Variants in ASPH observed in about 807,000 individuals in gnomAD.
ASPH encodes the protein aspartate beta-hydroxylase.
A neutral mutation model predicts 118.4 loss-of-function variants in ASPH; 100 were observed. The ratio of observed to expected loss-of-function variants is 0.84; its 90% CI spans 0.72 to 1.00. The LOEUF (loss-of-function observed/expected upper bound fraction) is 1.00. Ranked by LOEUF, ASPH falls within the 50% of genes least tolerant of loss-of-function variation. The pLI is 0.00. For synonymous variants in ASPH, 315 were observed against 325.6 expected (o/e 0.97, Z 0.35); for missense variants, 920 against 919.5 (o/e 1.00, Z -0.01).
chr8:61,579,284 G>T, intron 15 of ASPH: 1 of 1,614,178 alleles, frequency 6.2e-7, no homozygotes, highest in South Asian at 1.1e-5. Context: ...AGTTGTCCGA[G>T]CTGGAGGCTG....
intron 15 of ASPH, among the ~76,000 whole-genome samples, chr8:61,577,433 C>G (rs1312752242): frequency 1.0e-5 from 1 of 97,494 alleles, no homozygotes; most frequent in African/African-American, 4.3e-5. Flanking sequence ...AGACAAGACA[C>G]CTGATAAATG....
intron 13 of ASPH, among the ~76,000 whole-genome samples, chr8:61,621,744 T>C (rs1019405611): frequency 1.3e-5 from 2 of 152,244 alleles, no homozygotes; most frequent in African/African-American, 2.4e-5. Flanking sequence ...CTATATTCCA[T>C]AAAATACTAC....
chr8:61,647,491 T>C (rs1268993015), intron 5 of ASPH, among the ~76,000 whole-genome samples: 1 of 151,902 alleles, frequency 6.6e-6, no homozygotes, highest in East Asian at 1.9e-4. Context: ...GCCAACATGG[T>C]AAAACCCCAT....
Position 61,534,137 on chromosome 8 carries a change from G to C in ASPH, c.1765-8025C>G, listed in dbSNP as rs541603581. Among the ~76,000 whole-genome samples the C allele has an allele frequency of 5.9e-5, 9 of 152,166 alleles. No homozygotes were observed. The East Asian group carries it at 1.7e-3, about 29-fold the overall frequency. ...TAATTTTGTATTTTTAATAGAGATG[G>C]GGTTTCTCCATGTTGGTCAGGCTGG... is the stretch of plus-strand genomic sequence containing the variant. On this transcript the variant is annotated intron_variant, in intron 21 of 24. Coordinates refer to ENST00000379454, the MANE Select transcript of ASPH (RefSeq NM_004318.4).
At chr8:61,655,873 AAAG>A (rs1274995257) in intron 3 of ASPH, among the ~76,000 whole-genome samples, 2 of 152,240 alleles carry the variant, frequency 1.3e-5, no homozygotes, top group Non-Finnish European at 2.9e-5. Flanking sequence ...TGTAAACTTC[AAAG>A]AAGCTGAGAT....
chr8:61,629,703 C>G (rs765989041), intron 13 of ASPH, among the ~76,000 whole-genome samples: 2 of 152,210 alleles, frequency 1.3e-5, no homozygotes, highest in Non-Finnish European at 2.9e-5. Context: ...ATTCCTGAGG[C>G]CTATGTGATG....
intron 17 of ASPH, among the ~76,000 whole-genome samples, chr8:61,566,423 C>CT (rs2131668668): frequency 6.6e-6 from 1 of 152,332 alleles, no homozygotes; most frequent in African/African-American, 2.4e-5. Flanking sequence ...TTTCTTGAGA[C>CT]TGAATGTACT....
At chr8:61,606,103 G>GA (rs1389401269) in intron 14 of ASPH, among the ~76,000 whole-genome samples, 1 of 152,128 alleles carries the variant, frequency 6.6e-6, no homozygotes, top group African/African-American at 2.4e-5. Context: ...GAAGTGCCAT[G>GA]AAAAAATATA....
At chr8:61,523,277 C>T (rs955045834) in intron 22 of ASPH, among the ~76,000 whole-genome samples, 9 of 151,430 alleles carry the variant, frequency 5.9e-5, no homozygotes, top group South Asian at 2.1e-4. Flanking sequence ...GCATAAGCTA[C>T]GATAGTACTT....
intron 15 of ASPH, chr8:61,583,624 C>A: frequency 5.1e-6 from 1 of 197,612 alleles, no homozygotes; most frequent in Non-Finnish European, 1.0e-5. Context: ...GAATATTTAT[C>A]ATTATCATGT....
At position 61,667,366 on chromosome 8, in the gene ASPH, T is replaced by TTTATTA. The variant is rs993805392; in HGVS notation, c.322+13596_322+13601dup. Among the ~76,000 whole-genome samples, 11 of 150,456 alleles carry TTTATTA rather than the reference T, an allele frequency of 7.3e-5. 1 individual carries two copies. In the Middle Eastern group the frequency reaches 0.01, roughly 140 times the overall value. On this transcript the variant is annotated intron_variant, in intron 3 of 24. Coordinates refer to ENST00000379454, the MANE Select transcript of ASPH (RefSeq NM_004318.4). ...AATGGCTGACAGGTATAATAACTTA[T>TTTATTA]TTATTATTATTATTATTATTTTGAG...
chr8:61,548,944 T>A (rs571960968), intron 20 of ASPH, among the ~76,000 whole-genome samples: 1 of 152,212 alleles, frequency 6.6e-6, no homozygotes, highest in Non-Finnish European at 1.5e-5. Flanking sequence ...TGACGCTCTT[T>A]ATGGCTCCTT....
At chr8:61,661,914 C>A in intron 3 of ASPH, 1 of 458,430 alleles carries the variant, frequency 2.2e-6, no homozygotes, top group South Asian at 4.8e-5. Flanking sequence ...CATCTATATA[C>A]AATGCAAATT....
At chr8:61,528,963 G>T (rs887583428) in intron 21 of ASPH, among the ~76,000 whole-genome samples, 2 of 152,098 alleles carry the variant, frequency 1.3e-5, no homozygotes, top group African/African-American at 4.8e-5. Context: ...GTACTATCTA[G>T]TCCATTTTGA....
intron 24 of ASPH, among the ~76,000 whole-genome samples, chr8:61,515,080 A>T (rs1422631965): frequency 1.3e-5 from 2 of 151,830 alleles, no homozygotes; most frequent in African/African-American, 2.4e-5. Flanking sequence ...AATAGGAGGT[A>T]GGAGGTGAGG....
intron 24 of ASPH, among the ~76,000 whole-genome samples, chr8:61,507,858 G>A (rs545983530): frequency 6.8e-4 from 103 of 152,262 alleles, no homozygotes; most frequent in African/African-American, 2.2e-3. Context: ...TCTTCAGAGC[G>A]GCCTGTGACA....
chr8:61,666,233 T>G (rs1421104938), intron 3 of ASPH, among the ~76,000 whole-genome samples: 1 of 152,214 alleles, frequency 6.6e-6, no homozygotes, highest in Non-Finnish European at 1.5e-5. Flanking sequence ...CCTTTAAGTA[T>G]GTTTCCCTGT....
At chr8:61,606,798 G>A (rs1845697174) in intron 14 of ASPH, 1 of 153,756 alleles carries the variant, frequency 6.5e-6, no homozygotes, top group African/African-American at 2.4e-5. Flanking sequence ...TCTGTATAGA[G>A]AGCATAGCCC....
intron 15 of ASPH, among the ~76,000 whole-genome samples, chr8:61,580,746 T>A (rs1837256655): frequency 6.6e-6 from 1 of 152,244 alleles, no homozygotes; most frequent in Non-Finnish European, 1.5e-5. Flanking sequence ...TGCTACTTTT[T>A]ATTTTGTCGG....
Sources: allele counts gnomAD v4.1 joint callset (sites outside exome capture counted in the v4.1 genomes callset), GRCh38; gene constraint gnomAD v4.1.1; transcripts MANE v1.5; gene names NCBI Gene and HGNC (gene_info 2026-07-23, HGNC 2026-07-21).